Variants in MME observed in about 807,000 individuals in gnomAD.
MME encodes the protein neprilysin.
In MME, 98 loss-of-function variants were observed where a neutral mutation model predicts 113.2. The ratio of observed to expected loss-of-function variants is 0.87; its 90% CI spans 0.74 to 1.02. MME has a LOEUF of 1.02. Ranked by LOEUF, MME falls within the 50% of genes least tolerant of loss-of-function variation. The probability of loss-of-function intolerance (pLI) is 0.00; values close to 1 mark genes in which losing one functional copy is unlikely to be tolerated. For synonymous variants in MME, 292 were observed against 300.6 expected, an observed-to-expected ratio of 0.97 and a Z score of 0.30; for missense variants, 836 against 896.0, an observed-to-expected ratio of 0.93 and a Z score of 0.86.
intron 1 of MME, among the ~76,000 whole-genome samples, chr3:155,027,075 C>T (rs957688703): frequency 2.6e-5 from 4 of 152,200 alleles, no homozygotes; most frequent in African/African-American, 9.6e-5. Flanking sequence ...TCTCAAGCTT[C>T]TCTTTGCATT....
intron 3 of MME, among the ~76,000 whole-genome samples, chr3:155,103,921 A>T (rs1487887758): frequency 2.6e-5 from 4 of 152,046 alleles, no homozygotes; most frequent in African/African-American, 2.4e-5. Flanking sequence ...ATTACAAGAG[A>T]CTCCTTACCT....
rs202120543 is a variant in MME at position 155,084,262 on chromosome 3, C to T, written c.95C>T (p.Ser32Leu). Residue 32 changes from serine (S) to leucine (L), a missense_variant, in exon 2 of 23, where the codon TCG becomes TTG. Coordinates refer to ENST00000360490, the MANE Select transcript of MME (RefSeq NM_007289.4). ...TGGACTCCACTGGAGATCAGCCTCT[C>T]GGTCCTTGTCCTGCTCCTCACCATC... is the stretch of plus-strand genomic sequence containing the variant. ...QRWTPLEISL[S>L]VLVLLLTIIA... 1.9e-5 allele frequency: 31 copies of T among 1,614,052 alleles called. No individual in the cohort carries two copies. Among genetic ancestry groups the T allele is most frequent in the Admixed American group, 3.3e-5 (2 of 59,992 alleles).
intron 1 of MME, among the ~76,000 whole-genome samples, chr3:155,031,226 A>G (rs73874451): frequency 0.021 from 3,266 of 152,276 alleles, 113 homozygotes; most frequent in African/African-American, 0.069. Flanking sequence ...TCAATAAATC[A>G]TAAGTGTCAT....
chr3:155,058,968 A>G (rs1419104023), intron 1 of MME, among the ~76,000 whole-genome samples: 1 of 152,144 alleles, frequency 6.6e-6, no homozygotes, highest in East Asian at 1.9e-4. Context: ...CGGATTATGG[A>G]AAAAGAAGGA....
At chr3:155,087,250 T>C (rs867113465) in intron 3 of MME, among the ~76,000 whole-genome samples, 20,127 of 72,426 alleles carry the variant, frequency 0.28, 1,584 homozygotes, top group Non-Finnish European at 0.33. Flanking sequence ...TGCCCTTTGG[T>C]TTTTTTTTTT....
intron 16 of MME, among the ~76,000 whole-genome samples, chr3:155,155,750 C>T (rs1306994029): frequency 6.6e-6 from 1 of 152,098 alleles, no homozygotes; most frequent in Non-Finnish European, 1.5e-5. Context: ...GAAAAGTCAC[C>T]AAAGAAAATT....
intron 3 of MME, among the ~76,000 whole-genome samples, chr3:155,094,908 G>T (rs1378673411): frequency 5.9e-5 from 9 of 152,174 alleles, no homozygotes; most frequent in African/African-American, 2.2e-4. Context: ...TATTCAATGC[G>T]TGGTCCATGG....
At chr3:155,175,574 A>G (rs985474276) in intron 22 of MME, among the ~76,000 whole-genome samples, 1 of 151,984 alleles carries the variant, frequency 6.6e-6, no homozygotes, top group African/African-American at 2.4e-5. Flanking sequence ...TCTATATAAT[A>G]TGTAAGGGTC....
chr3:155,098,823 T>G (rs1265371100), intron 3 of MME, among the ~76,000 whole-genome samples: 1 of 151,976 alleles, frequency 6.6e-6, no homozygotes, highest in African/African-American at 2.4e-5. Context: ...GTCAAGAAAT[T>G]CTTAAGCTAG....
intron 15 of MME, 79 bp downstream of exon 15, chr3:155,147,303 G>A (rs1167267631): frequency 1.2e-6 from 1 of 858,732 alleles, no homozygotes; most frequent in Non-Finnish European, 2.0e-6. Flanking sequence ...TGGGGTGCCT[G>A]AAATTATATG....
At position 155,174,070 on chromosome 3, in the gene MME, A is replaced by G. The variant is rs1296801504; in HGVS notation, c.2153+1458A>G. On this transcript the variant is annotated intron_variant, in intron 22 of 22. Transcript: ENST00000360490. Reference sequence around the variant, plus strand: ...ATGAACAGAATAAGAATTCTTATGCATTTTGTAATAGTTCCCTATCAGTCA... The same window carrying G: ...ATGAACAGAATAAGAATTCTTATGCGTTTTGTAATAGTTCCCTATCAGTCA... Among the ~76,000 whole-genome samples, 3 of 151,920 alleles carry G rather than the reference A, an allele frequency of 2.0e-5. No homozygotes were observed. In the East Asian group the frequency reaches 5.8e-4, roughly 29 times the overall value.
intron 13 of MME, 119 bp from the exon 14 acceptor site, chr3:155,144,240 T>A (rs1225059086): frequency 1.4e-6 from 1 of 738,110 alleles, no homozygotes; most frequent in South Asian, 1.5e-5. Flanking sequence ...AGTTTGTCTA[T>A]AAATTTACGT....
intron 1 of MME, among the ~76,000 whole-genome samples, chr3:155,065,518 T>C (rs1411924646): frequency 6.6e-6 from 1 of 152,196 alleles, no homozygotes; most frequent in Non-Finnish European, 1.5e-5. Context: ...TATAGTCACA[T>C]TCAGCCTTCA....
chr3:155,156,596 G>A (rs759072661), intron 16 of MME, among the ~76,000 whole-genome samples: 13 of 152,124 alleles, frequency 8.5e-5, no homozygotes, highest in Non-Finnish European at 1.2e-4. Flanking sequence ...TTCTATACCT[G>A]CAAATATATG....
chr3:155,087,723 C>A (rs1038321936), intron 3 of MME, among the ~76,000 whole-genome samples: 3 of 151,772 alleles, frequency 2.0e-5, no homozygotes, highest in African/African-American at 7.3e-5. Context: ...TCTTCTTTTC[C>A]TTGAATTTTA....
intron 1 of MME, among the ~76,000 whole-genome samples, chr3:155,042,249 A>C (rs1018436681): frequency 2.0e-4 from 30 of 152,266 alleles, no homozygotes; most frequent in Middle Eastern, 3.4e-3. Context: ...CAATTTTTAT[A>C]ATGGAATTTC....
intron 3 of MME, among the ~76,000 whole-genome samples, chr3:155,101,053 A>T (rs111255277): frequency 1.9e-3 from 288 of 152,082 alleles, no homozygotes; most frequent in South Asian, 4.2e-3. Context: ...TTTTCATGAG[A>T]TCTGGTTGCT....
At chr3:155,145,795 G>A (rs1426515487) in intron 14 of MME, among the ~76,000 whole-genome samples, 3 of 152,064 alleles carry the variant, frequency 2.0e-5, no homozygotes, top group Non-Finnish European at 4.4e-5. Flanking sequence ...TGTAGAATTT[G>A]TATCCTTTAG....
At chr3:155,058,961 AT>A (rs1378568956) in intron 1 of MME, among the ~76,000 whole-genome samples, 1 of 152,104 alleles carries the variant, frequency 6.6e-6, no homozygotes, top group Admixed American at 6.6e-5. Flanking sequence ...CTATTTCCGG[AT>A]TATGGAAAAA....
Sources: allele counts gnomAD v4.1 joint callset (sites outside exome capture counted in the v4.1 genomes callset), GRCh38; gene constraint gnomAD v4.1.1; transcripts MANE v1.5; gene names NCBI Gene and HGNC (gene_info 2026-07-23, HGNC 2026-07-21).